The following MAML3 variants were observed in gnomAD, a reference collection of about 807,000 sequenced individuals.
MAML3 encodes the protein mastermind like transcriptional coactivator 3.
A neutral mutation model predicts 101.9 loss-of-function variants in MAML3; 27 were observed. The ratio of observed to expected loss-of-function variants is 0.27; its 90% CI spans 0.20 to 0.37. The LOEUF is 0.37. Ranked by LOEUF, MAML3 falls within the 10% of genes least tolerant of loss-of-function variation. MAML3 has a pLI of 1.00. For missense variants in MAML3, 1,316 were observed against 1,444.9 expected, an observed-to-expected ratio of 0.91 and a Z score of 1.45; for synonymous variants, 501 against 555.9, an observed-to-expected ratio of 0.90 and a Z score of 1.39.
chr4:140,070,711 G>T (rs1727633588), intron 1 of MAML3, among the ~76,000 whole-genome samples: 1 of 152,224 alleles, frequency 6.6e-6, no homozygotes, highest in Non-Finnish European at 1.5e-5. Flanking sequence ...AATGCCTTCA[G>T]ATGAGCCACT....
chr4:139,770,601 T>C (rs762913874), intron 2 of MAML3, among the ~76,000 whole-genome samples: 3 of 152,136 alleles, frequency 2.0e-5, no homozygotes, highest in Non-Finnish European at 4.4e-5. Flanking sequence ...AGGCGCTCAG[T>C]TGGAAAGTTG....
intron 2 of MAML3, among the ~76,000 whole-genome samples, chr4:139,780,759 C>A (rs1442385341): frequency 6.6e-6 from 1 of 151,780 alleles, no homozygotes; most frequent in Non-Finnish European, 1.5e-5. Context: ...GCCTCCTGAG[C>A]AGCTGGGATT....
At chr4:139,837,097 G>A in intron 2 of MAML3, among the ~76,000 whole-genome samples, 1 of 145,972 alleles carries the variant, frequency 6.9e-6, no homozygotes. Context: ...ACTCCAGCCT[G>A]GGCAACAAGA....
chr4:139,734,876 C>T (rs1156388925), intron 2 of MAML3, among the ~76,000 whole-genome samples: 1 of 152,264 alleles, frequency 6.6e-6, no homozygotes, highest in Non-Finnish European at 1.5e-5. Context: ...GACGGGGACC[C>T]CGTGGATAAC....
At chr4:139,751,551 C>T (rs938047041) in intron 2 of MAML3, among the ~76,000 whole-genome samples, 4 of 152,168 alleles carry the variant, frequency 2.6e-5, no homozygotes, top group African/African-American at 9.7e-5. Flanking sequence ...ATCATGTCAG[C>T]GCTCAAAAAA....
chr4:140,065,759 C>T (rs1479940080), intron 1 of MAML3, among the ~76,000 whole-genome samples: 1 of 152,072 alleles, frequency 6.6e-6, no homozygotes, highest in Non-Finnish European at 1.5e-5. Context: ...AGCTATAGAC[C>T]AATTGAATCC....
At chr4:140,079,183 G>A (rs10017961) in intron 1 of MAML3, among the ~76,000 whole-genome samples, 38,229 of 151,994 alleles carry the variant, frequency 0.25, 5,208 homozygotes, top group East Asian at 0.35. Context: ...ATAGTCAACC[G>A]ACTTTTTAAA....
chr4:139,745,590 T>TC (rs1729294023), intron 2 of MAML3, among the ~76,000 whole-genome samples: 2 of 152,144 alleles, frequency 1.3e-5, no homozygotes, highest in Admixed American at 1.3e-4. Context: ...CGGTCTGGGA[T>TC]CCCACCTCCT....
At chr4:139,796,772 C>T (rs1189486569) in intron 2 of MAML3, among the ~76,000 whole-genome samples, 1 of 152,072 alleles carries the variant, frequency 6.6e-6, no homozygotes, top group Non-Finnish European at 1.5e-5. Flanking sequence ...AATATATATG[C>T]TTTAAAATGA....
In MAML3 at chr4:140,047,750, A is replaced by T. The variant is rs574114150; in HGVS notation, c.468+105110T>A. ...CCAAAATGGGCACAGCAGAAGATGG[A>T]CGCGCTGCTCAGATCTAAGCATTTG... is the stretch of plus-strand genomic sequence containing the variant. On this transcript the variant is annotated intron_variant, in intron 1 of 4. Transcript: ENST00000509479. Among the ~76,000 whole-genome samples, 4 of 121,692 alleles carry T rather than the reference A, an allele frequency of 3.3e-5. No homozygotes were observed. In the East Asian group the frequency reaches 8.4e-4, roughly 26 times the overall value. 79.8% of individuals were successfully genotyped at this position (121,692 alleles called of 152,430 possible). A position where few individuals can be genotyped will look rare whatever the true frequency, so the allele number is the denominator to read the frequency against.
intron 1 of MAML3, among the ~76,000 whole-genome samples, chr4:139,983,760 G>T (rs1734486122): frequency 1.3e-5 from 2 of 152,150 alleles, no homozygotes; most frequent in South Asian, 4.1e-4. Flanking sequence ...AATATCATTT[G>T]GAAAGTGAAA....
intron 1 of MAML3, among the ~76,000 whole-genome samples, chr4:139,921,294 CCTCT>C (rs1229238654): frequency 7.2e-5 from 11 of 152,202 alleles, no homozygotes; most frequent in African/African-American, 2.2e-4. Context: ...AGTTTCCTTC[CCTCT>C]CTATGGCTGG....
chr4:139,970,132 G>C (rs984747057), intron 1 of MAML3, among the ~76,000 whole-genome samples: 6 of 152,180 alleles, frequency 3.9e-5, no homozygotes, highest in African/African-American at 9.7e-5. Flanking sequence ...TGCAATCAAA[G>C]CAAAGTACAA....
intron 1 of MAML3, among the ~76,000 whole-genome samples, chr4:140,074,231 A>AAGAAAGAAAGAAAGAG (rs1727726986): frequency 1.7e-5 from 1 of 58,440 alleles, no homozygotes; most frequent in African/African-American, 4.5e-5. Flanking sequence ...GAAAGAAAGA[A>AAGAAAGAAAGAAAGAG]AGAAAGAAAG....
intron 1 of MAML3, among the ~76,000 whole-genome samples, chr4:139,973,319 A>G (rs995586694): frequency 2.0e-5 from 3 of 152,212 alleles, no homozygotes; most frequent in Non-Finnish European, 1.5e-5. Context: ...GCTGCAGTGC[A>G]TGAATAGCAA....
At chr4:140,103,306 T>C (rs1340023571) in intron 1 of MAML3, among the ~76,000 whole-genome samples, 1 of 152,200 alleles carries the variant, frequency 6.6e-6, no homozygotes, top group Non-Finnish European at 1.5e-5. Flanking sequence ...CAAGACATGG[T>C]TTTTCTCCCT....
At chr4:139,844,878 G>T (rs534798791) in intron 2 of MAML3, among the ~76,000 whole-genome samples, 1 of 152,208 alleles carries the variant, frequency 6.6e-6, no homozygotes, top group Non-Finnish European at 1.5e-5. Flanking sequence ...ACAAAAGCCT[G>T]CCATTTGTTT....
chr4:140,044,026 T>G (rs192951618), intron 1 of MAML3, among the ~76,000 whole-genome samples: 2 of 152,106 alleles, frequency 1.3e-5, no homozygotes, highest in African/African-American at 4.8e-5. Flanking sequence ...TCATTTTTCA[T>G]GGAGATGTTT....
intron 1 of MAML3, among the ~76,000 whole-genome samples, chr4:139,996,921 G>T (rs1734828281): frequency 6.6e-6 from 1 of 151,936 alleles, no homozygotes; most frequent in Non-Finnish European, 1.5e-5. Context: ...AGCCAGTGTG[G>T]TGGTACGTGC....
Sources: allele counts gnomAD v4.1 joint callset (sites outside exome capture counted in the v4.1 genomes callset), GRCh38; gene constraint gnomAD v4.1.1; transcripts MANE v1.5; gene names NCBI Gene and HGNC (gene_info 2026-07-23, HGNC 2026-07-21).